ZNF182: variants seen among roughly 807,000 people sequenced by gnomAD.
ZNF182 encodes zinc finger protein 182, also known as zinc finger protein 21 (KOX 14).
Under a neutral mutation model 28.1 loss-of-function variants are expected in ZNF182, and 10 were observed. The ratio of observed to expected loss-of-function variants is 0.36; its 90% CI spans 0.22 to 0.60. The LOEUF (loss-of-function observed/expected upper bound fraction) is 0.60. Among genes scored for constraint, ZNF182 ranks in the 20% least tolerant of loss-of-function variants. The probability of loss-of-function intolerance (pLI) is 0.75; values close to 1 mark genes in which losing one functional copy is unlikely to be tolerated. For missense variants in ZNF182, 352 were observed against 453.2 expected (o/e 0.78, Z 2.03); for synonymous variants, 156 against 158.7 (o/e 0.98, Z 0.13).
chrX:47,983,203 AAG>A, intron 4 of ZNF182, 80 bp downstream of exon 4: 1 of 1,180,115 alleles, frequency 8.5e-7, no homozygotes, highest in Non-Finnish European at 1.2e-6. Context: ...CAGGAGAGAA[AAG>A]AGGGAACTGA....
intron 3 of ZNF182, among the ~76,000 whole-genome samples, chrX:47,994,741 C>T (rs1166363348): frequency 1.8e-5 from 2 of 111,041 alleles, no homozygotes; most frequent in East Asian, 2.9e-4. Context: ...CAGGTTCAAG[C>T]GATTCTCCCA....
rs781821195 is a variant in ZNF182, at chrX:48,002,660, C to T, written c.-44-7G>A. ...GAGATGTGTGACGGCCGAGCTGGAA[C>T]AAGTGGAGAAGAGTACAGCAGATGA... On this transcript the variant is annotated splice_region_variant and splice_polypyrimidine_tract_variant and intron_variant, in intron 2 of 5. Transcript: ENST00000376943. The T allele has an allele frequency of 2.9e-5, 35 of 1,200,233 alleles. No individual in the cohort carries two copies. The highest frequency in any genetic ancestry group is 3.9e-5 in the Non-Finnish European group (35 of 888,749).
chrX:47,981,118 T>TA (rs2058904131), intron 5 of ZNF182, among the ~76,000 whole-genome samples: 1 of 112,595 alleles, frequency 8.9e-6, no homozygotes. Context: ...AATGTATACA[T>TA]AATAGTTCCT....
At chrX:47,996,844 A>C (rs2058960032) in intron 3 of ZNF182, among the ~76,000 whole-genome samples, 1 of 112,070 alleles carries the variant, frequency 8.9e-6, no homozygotes, top group African/African-American at 3.2e-5. Flanking sequence ...AGGGCACAGC[A>C]AGAAGGTGGC....
Position 47,976,393 on chromosome X carries a change from G to C in ZNF182, c.1637C>G (p.Thr546Arg), listed in dbSNP as rs376214467. 8.3e-7 allele frequency: 1 copy of C among 1,209,282 alleles called. No individual in the cohort carries two copies. The highest frequency in any genetic ancestry group is 1.8e-5 in the African/African-American group (1 of 57,069). The change falls in exon 6 of 6, where the codon ACG becomes AGG. Residue 546 changes from threonine (T) to arginine (R), a missense_variant. Coordinates refer to ENST00000376943, the MANE Select transcript of ZNF182 (RefSeq NM_001007088.2). ...AGTGCATGCATAGGGTTTCTCTCCCGTGTGCGTTCTCTGATGTATTATGAG... is the reference window on the plus strand; with the variant it reads ...AGTGCATGCATAGGGTTTCTCTCCCCTGTGCGTTCTCTGATGTATTATGAG... ...SQLIIHQRTH[T>R]GEKPYACTEC...
At chrX:47,997,652 C>T (rs1310964145) in intron 3 of ZNF182, among the ~76,000 whole-genome samples, 1 of 110,877 alleles carries the variant, frequency 9.0e-6, no homozygotes, top group African/African-American at 3.3e-5. Context: ...ATTAGCTGGG[C>T]GTGGTGGTAG....
rs868954327 is a variant in ZNF182, at chrX:47,975,314, A to G, written c.*853T>C. ...GTTTTCACAAACGCTGCATTAATGAATACTGTATGTTCATCATTTTGTACA... is the reference window on the plus strand; with the variant it reads ...GTTTTCACAAACGCTGCATTAATGAGTACTGTATGTTCATCATTTTGTACA... On this transcript the variant is annotated 3_prime_UTR_variant, in exon 6 of 6. Transcript: ENST00000376943. 2 of 9,232 alleles carry G rather than the reference A, an allele frequency of 2.2e-4. No homozygotes were observed. The highest frequency in any genetic ancestry group is 3.2e-4 in the Non-Finnish European group (2 of 6,294). 0.8% of individuals were successfully genotyped at this position (9,232 alleles called of 1,213,427 possible).
chrX:47,976,586 G>C lies in ZNF182; in HGVS notation c.1444C>G (p.Leu482Val), dbSNP rs376557412. 2.5e-5 allele frequency: 30 copies of C among 1,208,437 alleles called. 1 individual carries two copies. The highest frequency in any genetic ancestry group is 3.5e-5 in the African/African-American group (2 of 57,153). Residue 482 changes from leucine to valine, a missense_variant, in exon 6 of 6, where the codon CTC becomes GTC. Physicochemically the swap from Leu to Val is conservative, Grantham distance 32. Transcript: ENST00000376943. ...CEKAFSQKSY[L>V]IIHQRTHTEE... is the part of the protein sequence containing the mutation. ...GTATGAGTTCTTTGATGTATAATGA[G>C]ATATGATTTCTGTGAAAATGCTTTT... is the stretch of plus-strand genomic sequence containing the variant.
In ZNF182 at chrX:47,976,628, C is replaced by T. The variant is rs1280138140; in HGVS notation, c.1402G>A (p.Glu468Lys). The change falls in exon 6 of 6, where the codon GAG (glutamate) becomes AAG (lysine). Residue 468 changes from glutamate to lysine, a missense_variant. By Grantham distance (56) the Glu-to-Lys change is moderately conservative (BLOSUM62 1). Transcript: ENST00000376943. Reference protein sequence around the residue: ...QRGHTGEKPYECNECEKAFSQ... With the variant: ...QRGHTGEKPYKCNECEKAFSQ... ...AATGCTTTTTCACATTCATTGCACT[C>T]GTAAGGTTTCTCTCCTGTATGACCT... 5.0e-6 allele frequency: 6 copies of T among 1,209,439 alleles called. No individual in the cohort carries two copies. The highest frequency in any genetic ancestry group is 2.2e-5 in the Admixed American group (1 of 45,785).
At chrX:47,983,116 G>A in intron 4 of ZNF182, 78 bp from the exon 5 acceptor site, 1 of 1,114,714 alleles carries the variant, frequency 9.0e-7, no homozygotes. Context: ...ATTGGGGGCA[G>A]CACAAGGAAT....
chrX:47,996,892 A>G (rs1390240020), intron 3 of ZNF182, among the ~76,000 whole-genome samples: 1 of 112,049 alleles, frequency 8.9e-6, no homozygotes, highest in African/African-American at 3.2e-5. Flanking sequence ...GGCTAAAACC[A>G]AATCAGTCAG....
Position 48,003,606 on chromosome X carries a change from GGGGCTT to G in ZNF182, c.-149_-144del, listed in dbSNP as rs1213259834. ...AGCATTCACACCAGGCCCCCACCTCGGGGCTTGGGCAAGGGGAGAGGGCAGAGGGAG... is the reference window on the plus strand; with the variant it reads ...AGCATTCACACCAGGCCCCCACCTCGGGGCAAGGGGAGAGGGCAGAGGGAG... On this transcript the variant is annotated 5_prime_UTR_variant, in exon 2 of 6. Coordinates refer to ENST00000376943, the MANE Select transcript of ZNF182 (RefSeq NM_001007088.2). 8.9e-6 allele frequency: 1 copy of G among 111,972 alleles called. No homozygotes were observed. Among genetic ancestry groups the G allele is most frequent in the East Asian group, 2.8e-4 (1 of 3,563 alleles). The allele number at this position is 111,972 out of a possible 1,213,427, so 9.2% of individuals were successfully genotyped here.
intron 3 of ZNF182, among the ~76,000 whole-genome samples, chrX:48,000,836 T>C (rs566999473): frequency 8.9e-6 from 1 of 111,865 alleles, no homozygotes; most frequent in South Asian, 3.7e-4. Flanking sequence ...AAAGGACCTG[T>C]GTAAAGGATA....
chrX:47,989,534 G>A (rs2058934565), intron 3 of ZNF182, among the ~76,000 whole-genome samples: 1 of 110,569 alleles, frequency 9.0e-6, no homozygotes, highest in South Asian at 3.7e-4. Context: ...ATCAAACCAT[G>A]AGGAATCTAA....
intron 3 of ZNF182, among the ~76,000 whole-genome samples, chrX:47,998,095 T>C (rs2058965276): frequency 9.2e-6 from 1 of 108,536 alleles, no homozygotes. Flanking sequence ...TTTTTTTTTT[T>C]TTTGAGACAG....
intron 3 of ZNF182, among the ~76,000 whole-genome samples, chrX:48,002,038 A>G (rs1173332097): frequency 8.9e-6 from 1 of 112,232 alleles, no homozygotes; most frequent in Non-Finnish European, 1.9e-5. Context: ...ATCTGAAAAA[A>G]TTTTGTCTCT....
In ZNF182 at chrX:47,982,984, G is replaced by C. The variant is rs782333958; in HGVS notation, c.197C>G (p.Pro66Arg). Reference sequence around the variant, plus strand: ...CCAAAATGGGATTTTTCCTTCTGCCGGGCATTCTTCTACCTCCAACTTGAG... The same window carrying C: ...CCAAAATGGGATTTTTCCTTCTGCCCGGCATTCTTCTACCTCCAACTTGAG... ...LILKLEVEEC[P>R]AEGKIPFWNF... is the part of the protein sequence containing the mutation. The change falls in exon 5 of 6, where the codon CCG becomes CGG. Residue 66 changes from proline (P) to arginine (R), a missense_variant. Transcript: ENST00000376943. 1 of 1,209,182 alleles carries C rather than the reference G, an allele frequency of 8.3e-7. No homozygotes were observed. Among genetic ancestry groups the C allele is most frequent in the African/African-American group, 1.8e-5 (1 of 56,928 alleles).
intron 3 of ZNF182, among the ~76,000 whole-genome samples, chrX:47,998,128 T>C (rs1281080433): frequency 9.3e-6 from 1 of 107,154 alleles, no homozygotes; most frequent in Non-Finnish European, 1.9e-5. Context: ...TTGCCCAGGC[T>C]AGAGTGCAAT....
rs782035762 is a variant in ZNF182 at position 48,002,641 on chromosome X, T to C, written c.-32A>G. ...CTCTTCTTGGGAAAAAGCAGAGATG[T>C]GTGACGGCCGAGCTGGAACAAGTGG... On this transcript the variant is annotated 5_prime_UTR_variant, in exon 3 of 6. Coordinates refer to ENST00000376943, the MANE Select transcript of ZNF182 (RefSeq NM_001007088.2). 12 of 1,206,735 alleles carry C rather than the reference T, an allele frequency of 9.9e-6. No individual in the cohort carries two copies. The Admixed American group carries it at 2.6e-4, about 27-fold the overall frequency.
Sources: allele counts gnomAD v4.1 joint callset (sites outside exome capture counted in the v4.1 genomes callset), GRCh38; gene constraint gnomAD v4.1.1; transcripts MANE v1.5; gene names NCBI Gene and HGNC (gene_info 2026-07-23, HGNC 2026-07-21).